Variants in NAPEPLD observed in about 807,000 individuals in gnomAD.
NAPEPLD encodes the protein N-acyl phosphatidylethanolamine phospholipase D.
Under a neutral mutation model 38.1 loss-of-function variants are expected in NAPEPLD, and 23 were observed. That is an observed-to-expected ratio of 0.60 (90% CI 0.43 to 0.86). The LOEUF is 0.86. NAPEPLD is among the 40% of genes least tolerant of loss of function. The probability of loss-of-function intolerance (pLI) is 0.00; values close to 1 mark genes in which losing one functional copy is unlikely to be tolerated. For synonymous variants in NAPEPLD, 147 were observed against 162.0 expected (o/e 0.91, Z 0.71); for missense variants, 411 against 476.8 (o/e 0.86, Z 1.28).
intron 4 of NAPEPLD, among the ~76,000 whole-genome samples, chr7:103,114,318 C>T (rs773049217): frequency 2.6e-5 from 4 of 152,172 alleles, no homozygotes; most frequent in African/African-American, 4.8e-5. Context: ...TAGGGTCCAT[C>T]TGCCTTAAGG....
At chr7:103,146,898 G>C (rs1244333788) in intron 1 of NAPEPLD, among the ~76,000 whole-genome samples, 9 of 152,114 alleles carry the variant, frequency 5.9e-5, no homozygotes, top group Admixed American at 5.9e-4. Flanking sequence ...GTGGAACAAG[G>C]CTCATATTTT....
In NAPEPLD at chr7:103,149,035, G is replaced by A. The variant is rs945472319; in HGVS notation, c.-241C>T. 2.0e-6 allele frequency: 2 copies of A among 985,402 alleles called. No individual in the cohort carries two copies. The highest frequency in any genetic ancestry group is 1.2e-6 in the Non-Finnish European group (1 of 829,952). 61.0% of individuals were successfully genotyped at this position (985,402 alleles called of 1,614,324 possible). ...GAGATGAGGGAGGGCTCGGGGACGG[G>A]AAACCCACTCTCAGCCCGCTCCACT... On this transcript the variant is annotated 5_prime_UTR_variant, in exon 1 of 5. Coordinates refer to ENST00000465647, the MANE Select transcript of NAPEPLD (RefSeq NM_001122838.3).
rs572176858 is a variant in NAPEPLD, at chr7:103,132,784, CAAAG to C, written c.-16-3996_-16-3993del. ...TGGGCGACAGAGCGAGACTCCGTCT[CAAAG>C]AAAGAAAGAAAGAAAAGAAACAAAA... is the stretch of plus-strand genomic sequence containing the variant. On this transcript the variant is annotated intron_variant, in intron 1 of 4. Transcript: ENST00000465647. 4.0e-4 allele frequency among the ~76,000 whole-genome samples: 61 copies of C among 151,434 alleles called. 1 individual carries two copies. The highest frequency in any genetic ancestry group is 2.8e-3 in the Admixed American group (42 of 15,204).
chr7:103,114,806 A>C (rs1289693912), intron 4 of NAPEPLD, among the ~76,000 whole-genome samples: 1 of 152,216 alleles, frequency 6.6e-6, no homozygotes, highest in African/African-American at 2.4e-5. Context: ...TGGTTATACA[A>C]ATACAAGCTT....
chr7:103,116,340 C>T (rs1805571029), intron 3 of NAPEPLD, among the ~76,000 whole-genome samples: 1 of 152,130 alleles, frequency 6.6e-6, no homozygotes, highest in Admixed American at 6.6e-5. Flanking sequence ...GGATCACAGA[C>T]GTGAGCCACC....
At chr7:103,141,355 C>A in intron 1 of NAPEPLD, 1 of 637,652 alleles carries the variant, frequency 1.6e-6, no homozygotes, top group South Asian at 1.4e-5. Context: ...GCTTTTATTT[C>A]TTGGTCTCTT....
rs1802293660 is a variant in NAPEPLD at position 103,100,845 on chromosome 7, G to A, written c.*2584C>T. The A allele has an allele frequency of 6.6e-6, 1 of 152,234 alleles. No homozygotes were observed. 9.4% of individuals were successfully genotyped at this position (152,234 alleles called of 1,614,324 possible). Reference sequence around the variant, plus strand: ...TCAATAAGGTGAGATTCTGTAAGCAGAGATGAAGCTTGATGTTCTTAATGA... The same window carrying A: ...TCAATAAGGTGAGATTCTGTAAGCAAAGATGAAGCTTGATGTTCTTAATGA... On this transcript the variant is annotated 3_prime_UTR_variant, in exon 5 of 5. Transcript: ENST00000465647.
At chr7:103,121,259 A>G (rs1806637121) in intron 2 of NAPEPLD, among the ~76,000 whole-genome samples, 1 of 152,214 alleles carries the variant, frequency 6.6e-6, no homozygotes, top group Admixed American at 6.5e-5. Flanking sequence ...TCTACATTTT[A>G]TACTTGGATT....
chr7:103,114,360 T>A (rs1219067585), intron 4 of NAPEPLD, among the ~76,000 whole-genome samples: 1 of 152,184 alleles, frequency 6.6e-6, no homozygotes, highest in African/African-American at 2.4e-5. Flanking sequence ...AATCTAGGAA[T>A]AAAATCACAT....
chr7:103,115,914 G>A (rs1230100496), intron 3 of NAPEPLD, among the ~76,000 whole-genome samples: 1 of 152,174 alleles, frequency 6.6e-6, no homozygotes, highest in Non-Finnish European at 1.5e-5. Flanking sequence ...TCATTGCCAT[G>A]GAAAGGGGCA....
intron 2 of NAPEPLD, among the ~76,000 whole-genome samples, chr7:103,121,341 T>C (rs1020323146): frequency 1.3e-5 from 2 of 152,220 alleles, no homozygotes; most frequent in African/African-American, 4.8e-5. Context: ...TTTTACTGAA[T>C]TGTGCTCTGG....
rs1303225302 is a variant in NAPEPLD at position 103,120,012 on chromosome 7, G to A, written c.506C>T (p.Pro169Leu). Residue 169 changes from proline to leucine, a missense_variant, in exon 3 of 5, where the codon CCG (proline) becomes CTG (leucine). Transcript: ENST00000465647. ...TGGAGGGAGTTCACTTATTGTGCAC[G>A]GGGAACGACGAAATCGCTTTGGACC... ...YMGPKRFRRS[P>L]CTISELPPID... 10 of 1,614,068 alleles carry A rather than the reference G, an allele frequency of 6.2e-6. No individual in the cohort carries two copies. Among genetic ancestry groups the A allele is most frequent in the South Asian group, 1.1e-5 (1 of 91,092 alleles).
In NAPEPLD at chr7:103,102,122, ATATATT is replaced by A. The variant is rs1802493341; in HGVS notation, c.*1301_*1306del. The A allele has an allele frequency of 1.3e-5, 2 of 151,448 alleles. No individual in the cohort carries two copies. The highest frequency in any genetic ancestry group is 4.2e-4 in the South Asian group (2 of 4,792). The allele number at this position is 151,448 out of a possible 1,614,324, so 9.4% of individuals were successfully genotyped here. ...GTAAAAAAAATTATAAATCTGATTGATATATTTAGAGCTAAGAGACTCCAGGAAAAA... is the reference window on the plus strand; with the variant it reads ...GTAAAAAAAATTATAAATCTGATTGATAGAGCTAAGAGACTCCAGGAAAAA... On this transcript the variant is annotated 3_prime_UTR_variant, in exon 5 of 5. Transcript: ENST00000465647.
At chr7:103,104,247 G>A (rs1338695825) in intron 4 of NAPEPLD, among the ~76,000 whole-genome samples, 1 of 152,160 alleles carries the variant, frequency 6.6e-6, no homozygotes, top group East Asian at 1.9e-4. Flanking sequence ...AGATGTGAAG[G>A]AGACAGTTGG....
At chr7:103,134,246 AAC>A (rs1358557276) in intron 1 of NAPEPLD, among the ~76,000 whole-genome samples, 2 of 152,250 alleles carry the variant, frequency 1.3e-5, no homozygotes, top group Admixed American at 6.5e-5. Context: ...CTCTGTGAAC[AAC>A]AGTTAGTTAT....
intron 1 of NAPEPLD, among the ~76,000 whole-genome samples, chr7:103,146,208 G>T (rs1374638801): frequency 6.6e-6 from 1 of 152,146 alleles, no homozygotes; most frequent in African/African-American, 2.4e-5. Context: ...AGCTGGGTGT[G>T]GTGGCACATG....
chr7:103,129,271 G>A, intron 1 of NAPEPLD: 3 of 971,602 alleles, frequency 3.1e-6, no homozygotes, highest in Non-Finnish European at 3.7e-6. Context: ...AAGAAAGAAG[G>A]ATGTTTGCTT....
rs144538817 is a variant in NAPEPLD, at chr7:103,126,234, C to A, written c.294+2249G>T. ...CTCTTTAGGAAATCAGGTCTGCCTG[C>A]ACTTCTCCAAGCATGAATTTTGAGT... On this transcript the variant is annotated intron_variant, in intron 2 of 4. Coordinates refer to ENST00000465647, the MANE Select transcript of NAPEPLD (RefSeq NM_001122838.3). Among the ~76,000 whole-genome samples the A allele has an allele frequency of 3.9e-5, 6 of 152,280 alleles. No individual in the cohort carries two copies. In the East Asian group the frequency reaches 1.2e-3, roughly 29 times the overall value.
upstream of NAPEPLD, chr7:103,149,563 G>C: frequency 8.7e-7 from 1 of 1,148,320 alleles, no homozygotes; most frequent in Non-Finnish European, 1.1e-6. Flanking sequence ...CCTCCTTCAG[G>C]CTGCCTCTCC....
Sources: gnomAD v4.1 joint callset for allele counts (sites outside exome capture counted in the v4.1 genomes callset) on GRCh38, gnomAD v4.1.1 for gene constraint, MANE v1.5 for transcripts, NCBI Gene and HGNC (gene_info 2026-07-23, HGNC 2026-07-21) for gene names.